The following NCOA1 variants were observed in gnomAD, a reference collection of about 807,000 sequenced individuals.
NCOA1 encodes nuclear receptor coactivator 1.
NCOA1 carries 35 observed loss-of-function variants against 150.9 expected under a neutral mutation model. The ratio of observed to expected loss-of-function variants is 0.23; its 90% CI spans 0.18 to 0.31. The LOEUF (loss-of-function observed/expected upper bound fraction) is 0.31. Among genes scored for constraint, NCOA1 ranks in the 10% least tolerant of loss-of-function variants. The pLI, the probability that NCOA1 is intolerant of heterozygous loss-of-function variation, is 1.00. For missense variants in NCOA1, 1,491 were observed against 1,749.3 expected, an observed-to-expected ratio of 0.85 and a Z score of 2.63; for synonymous variants, 590 against 630.0, an observed-to-expected ratio of 0.94 and a Z score of 0.95.
Position 24,728,441 on chromosome 2 carries a change from C to A in NCOA1, c.2851C>A (p.Leu951Ile), listed in dbSNP as rs368462416. 2.3e-5 allele frequency: 37 copies of A among 1,613,554 alleles called. No homozygotes were observed. The African/African-American group carries it at 3.5e-4, about 15-fold the overall frequency. ...SGKDETELAE[L>I]DRALGIDKLV... is the part of the protein sequence containing the mutation. ...CAAAGATGAAACTGAGCTAGCTGAACTAGACAGAGCTCTGGGAATTGACAA... is the reference window on the plus strand; with the variant it reads ...CAAAGATGAAACTGAGCTAGCTGAAATAGACAGAGCTCTGGGAATTGACAA... The change falls in exon 16 of 23, where the codon CTA becomes ATA. Residue 951 changes from leucine to isoleucine, a missense_variant. Around this residue, in one of 8 missense-constraint regions of NCOA1, gnomAD observed 13 missense variants for 38.5 expected, o/e 0.34. Coordinates refer to ENST00000348332, the MANE Select transcript of NCOA1 (RefSeq NM_003743.5).
intron 1 of NCOA1, among the ~76,000 whole-genome samples, chr2:24,527,882 T>G (rs773932259): frequency 4.6e-5 from 7 of 152,206 alleles, no homozygotes; most frequent in Non-Finnish European, 1.0e-4. Flanking sequence ...AGGTGATATC[T>G]CATAGTGTTT....
intron 1 of NCOA1, among the ~76,000 whole-genome samples, chr2:24,517,288 G>C (rs1025298265): frequency 6.6e-6 from 1 of 150,678 alleles, no homozygotes; most frequent in African/African-American, 2.4e-5. Context: ...CTCTCCTTCC[G>C]TTCTGTGTGG....
Position 24,723,428 on chromosome 2 carries a change from C to T in NCOA1, c.2600-3161C>T, listed in dbSNP as rs141166185. ...TGTAGAGATAATTTACCACATGTGA[C>T]GGTATATCTGAGATACAAGTTCTGA... On this transcript the variant is annotated intron_variant, in intron 14 of 22. Transcript: ENST00000348332. 4.2e-3 allele frequency among the ~76,000 whole-genome samples: 642 copies of T among 152,258 alleles called. 5 individuals are homozygous for T. The highest frequency in any genetic ancestry group is 0.015 in the African/African-American group (615 of 41,542).
At chr2:24,595,173 G>A (rs1388731948) in intron 3 of NCOA1, among the ~76,000 whole-genome samples, 1 of 151,986 alleles carries the variant, frequency 6.6e-6, no homozygotes, top group African/African-American at 2.4e-5. Flanking sequence ...CTATTTGATA[G>A]TTGTAAAATC....
At chr2:24,513,327 A>G (rs962454514) in intron 1 of NCOA1, among the ~76,000 whole-genome samples, 2 of 152,200 alleles carry the variant, frequency 1.3e-5, no homozygotes, top group Admixed American at 6.5e-5. Context: ...TTATCTATAT[A>G]TAATGTAATT....
At chr2:24,615,813 G>C (rs190859937) in intron 3 of NCOA1, among the ~76,000 whole-genome samples, 1 of 152,236 alleles carries the variant, frequency 6.6e-6, no homozygotes, top group African/African-American at 2.4e-5. Flanking sequence ...CTTTCTAGAG[G>C]GAAGAGGATG....
At chr2:24,517,797 T>G (rs371697373) in intron 1 of NCOA1, among the ~76,000 whole-genome samples, 25 of 152,186 alleles carry the variant, frequency 1.6e-4, no homozygotes, top group East Asian at 1.2e-3. Context: ...GTTGGGTGTT[T>G]CTAGTGAAAA....
intron 3 of NCOA1, among the ~76,000 whole-genome samples, chr2:24,586,136 C>G (rs972454095): frequency 6.6e-5 from 10 of 151,666 alleles, no homozygotes; most frequent in Non-Finnish European, 1.0e-4. Flanking sequence ...ATTAGCTGGG[C>G]GTGGTGGCGG....
chr2:24,687,823 G>T (rs1672480032), intron 8 of NCOA1, among the ~76,000 whole-genome samples: 1 of 152,128 alleles, frequency 6.6e-6, no homozygotes, highest in Admixed American at 6.5e-5. Context: ...AGATTTGGGT[G>T]GCAACACAGA....
chr2:24,597,662 T>A (rs1572467951), intron 3 of NCOA1, among the ~76,000 whole-genome samples: 2 of 152,302 alleles, frequency 1.3e-5, no homozygotes, highest in African/African-American at 4.8e-5. Context: ...AATTCCTTTT[T>A]CCTTGGGCAA....
At chr2:24,609,315 T>C (rs1285745690) in intron 3 of NCOA1, among the ~76,000 whole-genome samples, 2 of 152,256 alleles carry the variant, frequency 1.3e-5, no homozygotes, top group Non-Finnish European at 2.9e-5. Flanking sequence ...ATTTACTGGT[T>C]ACATTTGTTT....
intron 1 of NCOA1, among the ~76,000 whole-genome samples, chr2:24,524,940 A>T (rs1250459948): frequency 6.6e-6 from 1 of 152,142 alleles, no homozygotes; most frequent in Non-Finnish European, 1.5e-5. Context: ...GACAGAGTGG[A>T]AACTGTAATT....
intron 19 of NCOA1, among the ~76,000 whole-genome samples, chr2:24,745,160 T>TC (rs1007690817): frequency 3.4e-5 from 5 of 149,054 alleles, no homozygotes; most frequent in African/African-American, 1.2e-4. Context: ...CTTTTTTCTT[T>TC]TTTTTTTTTT....
intron 3 of NCOA1, among the ~76,000 whole-genome samples, chr2:24,591,149 G>A (rs1041534054): frequency 1.3e-5 from 2 of 152,122 alleles, no homozygotes; most frequent in African/African-American, 4.8e-5. Flanking sequence ...TAAAAGTTAG[G>A]AAGACCTTAA....
intron 1 of NCOA1, among the ~76,000 whole-genome samples, chr2:24,555,762 A>G (rs1666044207): frequency 6.6e-6 from 1 of 152,208 alleles, no homozygotes; most frequent in African/African-American, 2.4e-5. Context: ...TCGATATTGT[A>G]TCAGTTCTGT....
At chr2:24,516,023 C>G (rs1664144304) in intron 1 of NCOA1, among the ~76,000 whole-genome samples, 1 of 152,146 alleles carries the variant, frequency 6.6e-6, no homozygotes, top group Admixed American at 6.5e-5. Context: ...AGAGCCTTAG[C>G]TCAGTCAGCA....
rs1308388027 is a variant in NCOA1, at chr2:24,680,320, C to CATCAACCTAAGTGTCCAAAAATGGA, written c.355-2630_355-2606dup. On this transcript the variant is annotated intron_variant, in intron 7 of 22. Coordinates refer to ENST00000348332, the MANE Select transcript of NCOA1 (RefSeq NM_003743.5). Reference sequence around the variant, plus strand: ...GATATCTCATCGTGGTTTTAATTTGCATCAACCTAAGTGTCCAAAAATGGA... The same window carrying CATCAACCTAAGTGTCCAAAAATGGA: ...GATATCTCATCGTGGTTTTAATTTGCATCAACCTAAGTGTCCAAAAATGGAATCAACCTAAGTGTCCAAAAATGGA... 2.6e-5 allele frequency among the ~76,000 whole-genome samples: 4 copies of CATCAACCTAAGTGTCCAAAAATGGA among 152,178 alleles called. No individual in the cohort carries two copies. In the East Asian group the frequency reaches 7.7e-4, roughly 29 times the overall value.
chr2:24,493,076 A>C (rs1457197929), intron 1 of NCOA1, among the ~76,000 whole-genome samples: 1 of 152,216 alleles, frequency 6.6e-6, no homozygotes, highest in Non-Finnish European at 1.5e-5. Context: ...ATAATGTGAA[A>C]AGAAAGTATT....
At chr2:24,579,610 A>T (rs971034022) in intron 2 of NCOA1, among the ~76,000 whole-genome samples, 1 of 152,220 alleles carries the variant, frequency 6.6e-6, no homozygotes, top group East Asian at 1.9e-4. Flanking sequence ...AGTCTGAATC[A>T]TGTTTCCCTT....
Sources: gnomAD v4.1 joint callset for allele counts (sites outside exome capture counted in the v4.1 genomes callset) on GRCh38, gnomAD v4.1.1 for gene constraint, gnomAD v4.1.1 regional missense constraint, MANE v1.5 for transcripts, NCBI Gene and HGNC (gene_info 2026-07-23, HGNC 2026-07-21) for gene names.